Variants in SERPINI1 observed in about 807,000 individuals in gnomAD.
The protein encoded by SERPINI1 is serpin family I member 1.
A neutral mutation model predicts 41.1 loss-of-function variants in SERPINI1; 19 were observed. The observed-to-expected ratio is 0.46, with a 90% CI of 0.32 to 0.68. The LOEUF is 0.68. SERPINI1 is among the 30% of genes least tolerant of loss of function. The pLI, the probability that SERPINI1 is intolerant of heterozygous loss-of-function variation, is 0.03. For synonymous variants in SERPINI1, 138 were observed against 156.6 expected, an observed-to-expected ratio of 0.88 and a Z score of 0.89; for missense variants, 460 against 479.2, an observed-to-expected ratio of 0.96 and a Z score of 0.37.
chr3:167,747,366 C>T (rs1314011278), intron 1 of SERPINI1, among the ~76,000 whole-genome samples: 2 of 152,064 alleles, frequency 1.3e-5, no homozygotes, highest in African/African-American at 4.8e-5. Flanking sequence ...CTAGATTGGC[C>T]GGGCACGGTG....
chr3:167,799,556 C>T (rs1304029619), intron 5 of SERPINI1, among the ~76,000 whole-genome samples: 1 of 151,972 alleles, frequency 6.6e-6, no homozygotes, highest in African/African-American at 2.4e-5. Flanking sequence ...GGGTATATAC[C>T]CAGTAATGGG....
chr3:167,748,134 C>G (rs1291822574), intron 1 of SERPINI1, among the ~76,000 whole-genome samples: 1 of 151,230 alleles, frequency 6.6e-6, no homozygotes, highest in Non-Finnish European at 1.5e-5. Flanking sequence ...GATAGAATGA[C>G]AAATACTAAA....
intron 3 of SERPINI1, among the ~76,000 whole-genome samples, chr3:167,790,980 T>C (rs534325995): frequency 7.9e-5 from 12 of 152,226 alleles, no homozygotes; most frequent in African/African-American, 2.9e-4. Flanking sequence ...TAAAAAAGAA[T>C]TAAAAATCAG....
At chr3:167,789,634 A>G (rs1727431590) in intron 2 of SERPINI1, among the ~76,000 whole-genome samples, 1 of 152,226 alleles carries the variant, frequency 6.6e-6, no homozygotes, top group African/African-American at 2.4e-5. Flanking sequence ...CAAAAAAAGC[A>G]AACATTTTTC....
intron 1 of SERPINI1, among the ~76,000 whole-genome samples, chr3:167,766,137 A>C (rs1553772350): frequency 1.3e-5 from 2 of 151,848 alleles, no homozygotes; most frequent in Non-Finnish European, 2.9e-5. Flanking sequence ...TCTTTTCAGC[A>C]ATGCACCACC....
intron 5 of SERPINI1, among the ~76,000 whole-genome samples, chr3:167,795,595 G>A (rs1221567032): frequency 6.6e-6 from 1 of 152,118 alleles, no homozygotes; most frequent in Non-Finnish European, 1.5e-5. Context: ...TCTAGAACCA[G>A]TTCTTCTCTG....
At chr3:167,735,934 G>T (rs1725397815) in intron 1 of SERPINI1, 111 bp downstream of exon 1, 1 of 152,234 alleles carries the variant, frequency 6.6e-6, no homozygotes, top group Non-Finnish European at 1.5e-5. Context: ...TAGGAAACCG[G>T]TGCAAAACCT....
At chr3:167,772,891 T>TATATAC (rs1396624841) in intron 1 of SERPINI1, among the ~76,000 whole-genome samples, 1 of 73,682 alleles carries the variant, frequency 1.4e-5, no homozygotes, top group East Asian at 3.8e-4. Flanking sequence ...TATATATATA[T>TATATAC]ATACACACAC....
Position 167,793,596 on chromosome 3 carries a change from A to ATATATTTTTTTT in SERPINI1, c.676+813_676+814insATATTTTTTTTT. 3.0e-3 allele frequency among the ~76,000 whole-genome samples: 428 copies of ATATATTTTTTTT among 140,576 alleles called. 2 individuals are homozygous for ATATATTTTTTTT. Among genetic ancestry groups the ATATATTTTTTTT allele is most frequent in the African/African-American group, 0.011 (400 of 36,516 alleles). The allele number at this position is 140,576 out of a possible 152,430, so 92.2% of individuals were successfully genotyped here. A position where few individuals can be genotyped will look rare whatever the true frequency, so the allele number is the denominator to read the frequency against. ...TACAAATATATATATATATATATAT[A>ATATATTTTTTTT]TTTTTAATTAGCTAGGCATAATGGT... On this transcript the variant is annotated intron_variant, in intron 4 of 8. Coordinates refer to ENST00000446050, the MANE Select transcript of SERPINI1 (RefSeq NM_001122752.2).
intron 8 of SERPINI1, 137 bp downstream of exon 8, chr3:167,824,699 G>C: frequency 1.6e-6 from 1 of 610,190 alleles, no homozygotes; most frequent in Non-Finnish European, 2.9e-6. Flanking sequence ...TCCAGAGATT[G>C]ACCAACTGAA....
In SERPINI1 at chr3:167,794,830, A is replaced by G. The variant is rs1373999601; in HGVS notation, c.881+6A>G. On this transcript the variant is annotated splice_donor_region_variant and intron_variant, in intron 5 of 8. Transcript: ENST00000446050. ...GTAGAAGTATACCTGCCCAGGTATGAGGTTCCTGTGTCACCCGTCCCACAG... is the reference window on the plus strand; with the variant it reads ...GTAGAAGTATACCTGCCCAGGTATGGGGTTCCTGTGTCACCCGTCCCACAG... 6.2e-7 allele frequency: 1 copy of G among 1,610,414 alleles called. No homozygotes were observed. Among genetic ancestry groups the G allele is most frequent in the South Asian group, 1.1e-5 (1 of 90,928 alleles).
In SERPINI1 at chr3:167,792,748, A is replaced by G; in HGVS notation, c.640A>G (p.Ile214Val). 1.9e-6 allele frequency: 3 copies of G among 1,613,872 alleles called. No homozygotes were observed. Among genetic ancestry groups the G allele is most frequent in the Non-Finnish European group, 2.5e-6 (3 of 1,179,874 alleles). The stretch of plus-strand genomic sequence containing the variant: ...TAAAGATGATGAAAGTGAAGTCCAA[A>G]TTCCAATGATGTATCAGCAAGGAGA... ...FTKDDESEVQ[I>V]PMMYQQGEFY... is the part of the protein sequence containing the mutation. The change falls in exon 4 of 9, where the codon ATT (isoleucine) becomes GTT (valine). Residue 214 changes from isoleucine (I) to valine (V), a missense_variant. Ile to Val is a conservative substitution (Grantham distance 29). Transcript: ENST00000446050.
chr3:167,794,569 C>A, intron 4 of SERPINI1, 51 bp from the exon 5 acceptor site: 3 of 1,527,526 alleles, frequency 2.0e-6, no homozygotes, highest in Non-Finnish European at 2.7e-6. Context: ...TCGCCCCCAG[C>A]TTTTTTTAAG....
chr3:167,737,811 G>T (rs1466656711), intron 1 of SERPINI1, among the ~76,000 whole-genome samples: 1 of 152,060 alleles, frequency 6.6e-6, no homozygotes, highest in Non-Finnish European at 1.5e-5. Flanking sequence ...GCTCTTTATA[G>T]GTCTTCTGCT....
chr3:167,792,175 T>C, intron 3 of SERPINI1, among the ~76,000 whole-genome samples: 1 of 151,960 alleles, frequency 6.6e-6, no homozygotes, highest in East Asian at 1.9e-4. Flanking sequence ...ATTTATTGAG[T>C]GTTTACTCTG....
Position 167,792,801 on chromosome 3 carries a change from T to G in SERPINI1, c.676+17T>G. On this transcript the variant is annotated intron_variant, in intron 4 of 8. Transcript: ENST00000446050. ...TTTATTATGGTAAGACATTTTTTGC[T>G]TTTATTTCTCTCTTCTTGCAGAATA... The G allele has an allele frequency of 1.3e-6, 2 of 1,597,036 alleles. No homozygotes were observed. The highest frequency in any genetic ancestry group is 1.7e-6 in the Non-Finnish European group (2 of 1,164,970).
At chr3:167,777,772 T>C (rs1360704800) in intron 1 of SERPINI1, among the ~76,000 whole-genome samples, 1 of 152,248 alleles carries the variant, frequency 6.6e-6, no homozygotes, top group Non-Finnish European at 1.5e-5. Flanking sequence ...CTAGATTGTG[T>C]TACAGTTTGA....
Position 167,760,561 on chromosome 3 carries a change from TTGTGTGTGTGTGTGTGTGTG to T in SERPINI1, c.-19+24768_-19+24787del, listed in dbSNP as rs57003321. ...TCAGTTCTGGAAGCCTGGCTCCAAATTGTGTGTGTGTGTGTGTGTGTGTGTGTGTGTGTGTGTGTGTGTGT... is the reference window on the plus strand; with the variant it reads ...TCAGTTCTGGAAGCCTGGCTCCAAATTGTGTGTGTGTGTGTGTGTGTGTGT... On this transcript the variant is annotated intron_variant, in intron 1 of 8. Transcript: ENST00000446050. Among the ~76,000 whole-genome samples the T allele has an allele frequency of 7.6e-3, 1,069 of 140,694 alleles. 12 individuals carry two copies. The highest frequency in any genetic ancestry group is 0.025 in the African/African-American group (980 of 38,468). 92.3% of individuals were successfully genotyped at this position (140,694 alleles called of 152,430 possible).
chr3:167,807,500 A>T, intron 6 of SERPINI1, among the ~76,000 whole-genome samples, 159 bp downstream of exon 6: 1 of 152,222 alleles, frequency 6.6e-6, no homozygotes, highest in African/African-American at 2.4e-5. Context: ...TACAAGCAAA[A>T]CTATAGATAT....
Sources: allele counts gnomAD v4.1 joint callset (sites outside exome capture counted in the v4.1 genomes callset), GRCh38; gene constraint gnomAD v4.1.1; transcripts MANE v1.5; gene names NCBI Gene and HGNC (gene_info 2026-07-23, HGNC 2026-07-21).